The following CD109 variants were observed in gnomAD, a reference collection of about 807,000 sequenced individuals.
The protein encoded by CD109 is CD109 antigen.
Under a neutral mutation model 165.8 loss-of-function variants are expected in CD109, and 149 were observed. The ratio of observed to expected loss-of-function variants is 0.90; its 90% CI spans 0.79 to 1.03. CD109 has a LOEUF of 1.03. Ranked by LOEUF, CD109 falls within the 50% of genes least tolerant of loss-of-function variation. The probability of loss-of-function intolerance (pLI) is 0.00; values close to 1 mark genes in which losing one functional copy is unlikely to be tolerated. For synonymous variants in CD109, 585 were observed against 592.1 expected, an observed-to-expected ratio of 0.99 and a Z score of 0.18; for missense variants, 1,712 against 1,677.8, an observed-to-expected ratio of 1.02 and a Z score of -0.36.
chr6:73,721,554 T>C (rs951170858), intron 2 of CD109, among the ~76,000 whole-genome samples: 15 of 151,574 alleles, frequency 9.9e-5, no homozygotes, highest in African/African-American at 3.6e-4. Flanking sequence ...TTAGTAGAGA[T>C]GGGGTTTCAC....
intron 5 of CD109, among the ~76,000 whole-genome samples, chr6:73,754,393 C>A (rs956998862): frequency 6.6e-6 from 1 of 151,988 alleles, no homozygotes; most frequent in African/African-American, 2.4e-5. Context: ...ACCAAGAGAA[C>A]AAAAGACAAT....
intron 2 of CD109, among the ~76,000 whole-genome samples, chr6:73,701,608 A>G (rs1302412238): frequency 1.3e-5 from 2 of 152,158 alleles, no homozygotes; most frequent in African/African-American, 4.8e-5. Context: ...AATTTTCGTG[A>G]TGTCCTTGAA....
intron 2 of CD109, among the ~76,000 whole-genome samples, chr6:73,707,705 C>T (rs1343525549): frequency 6.6e-6 from 1 of 151,738 alleles, no homozygotes; most frequent in Non-Finnish European, 1.5e-5. Context: ...TTGAGATGTG[C>T]CAGGAGTATA....
intron 3 of CD109, among the ~76,000 whole-genome samples, chr6:73,728,287 G>A (rs1772214316): frequency 6.6e-6 from 1 of 152,108 alleles, no homozygotes; most frequent in Non-Finnish European, 1.5e-5. Context: ...TCCAGCCTGG[G>A]CAACAGAGCA....
intron 32 of CD109, among the ~76,000 whole-genome samples, chr6:73,821,180 G>A (rs1776095736): frequency 6.6e-6 from 1 of 152,116 alleles, no homozygotes; most frequent in South Asian, 2.1e-4. Context: ...AGGAGGGAGG[G>A]ATAGCATTAG....
intron 2 of CD109, among the ~76,000 whole-genome samples, chr6:73,701,239 A>G (rs1233522582): frequency 6.6e-6 from 1 of 151,788 alleles, no homozygotes; most frequent in Admixed American, 6.6e-5. Context: ...CACTGTTACC[A>G]CTGTCACTGC....
intron 17 of CD109, among the ~76,000 whole-genome samples, chr6:73,782,187 G>A (rs1774534093): frequency 6.6e-6 from 1 of 152,008 alleles, no homozygotes; most frequent in East Asian, 1.9e-4. Context: ...CTGATCCTCT[G>A]TCCTGAAACT....
intron 16 of CD109, among the ~76,000 whole-genome samples, chr6:73,780,731 T>C (rs961449360): frequency 8.2e-6 from 1 of 121,972 alleles, no homozygotes; most frequent in Non-Finnish European, 1.7e-5. Flanking sequence ...AAATAATTTT[T>C]CCTTTATGTA....
intron 24 of CD109, among the ~76,000 whole-genome samples, chr6:73,806,383 G>A (rs1384982981): frequency 6.6e-6 from 1 of 151,736 alleles, no homozygotes; most frequent in Non-Finnish European, 1.5e-5. Context: ...GATGGGGGAG[G>A]GATAGCATTA....
intron 14 of CD109, among the ~76,000 whole-genome samples, chr6:73,770,259 G>A (rs1773987509): frequency 6.6e-6 from 1 of 152,170 alleles, no homozygotes; most frequent in African/African-American, 2.4e-5. Flanking sequence ...TCAGAGAGTT[G>A]GAGAAAGAAT....
chr6:73,684,327 C>T, the CD109 span, among the ~76,000 whole-genome samples: 1 of 151,378 alleles, frequency 6.6e-6, no homozygotes, highest in Non-Finnish European at 1.5e-5. Flanking sequence ...TCAGATGATC[C>T]TCCCACTTCA....
At chr6:73,728,517 T>C (rs926897399) in intron 3 of CD109, among the ~76,000 whole-genome samples, 11 of 152,242 alleles carry the variant, frequency 7.2e-5, no homozygotes, top group Non-Finnish European at 1.3e-4. Flanking sequence ...CTATACTTGC[T>C]CTATCATACA....
intron 27 of CD109, among the ~76,000 whole-genome samples, chr6:73,810,521 C>G (rs1162973802): frequency 6.6e-6 from 1 of 151,744 alleles, no homozygotes; most frequent in Non-Finnish European, 1.5e-5. Flanking sequence ...TTCCATATAG[C>G]AAATATTTTC....
the CD109 span, among the ~76,000 whole-genome samples, chr6:73,684,206 C>T: frequency 2.7e-5 from 4 of 147,972 alleles, no homozygotes; most frequent in Admixed American, 6.7e-5. Context: ...TTTCTCTTTT[C>T]TTTTGTCGTT....
At position 73,823,682 on chromosome 6, in the gene CD109, T is replaced by G; in HGVS notation, c.*49T>G. On this transcript the variant is annotated 3_prime_UTR_variant, in exon 33 of 33. Transcript: ENST00000287097. ...AACACTAACATTTCCAGTAGTCACA[T>G]GTGATTGTTTTGTTTTCGTAGAAGA... 2 of 1,496,884 alleles carry G rather than the reference T, an allele frequency of 1.3e-6. No individual in the cohort carries two copies. Among genetic ancestry groups the G allele is most frequent in the Non-Finnish European group, 1.8e-6 (2 of 1,104,114 alleles). 92.7% of individuals were successfully genotyped at this position (1,496,884 alleles called of 1,614,324 possible). A position where few individuals can be genotyped will look rare whatever the true frequency, so the allele number is the denominator to read the frequency against.
At chr6:73,815,992 G>C (rs1775923094) in intron 30 of CD109, among the ~76,000 whole-genome samples, 1 of 152,174 alleles carries the variant, frequency 6.6e-6, no homozygotes, top group South Asian at 2.1e-4. Flanking sequence ...TGTTGGGCTA[G>C]AAGTCCCTGA....
chr6:73,753,859 G>A (rs1458768209), intron 5 of CD109, among the ~76,000 whole-genome samples: 1 of 152,198 alleles, frequency 6.6e-6, no homozygotes, highest in Non-Finnish European at 1.5e-5. Flanking sequence ...GATCTGTTGA[G>A]CACTGTAGGA....
rs1255192553 is a variant in CD109 at position 73,736,452 on chromosome 6, T to C, written c.577T>C (p.Phe193Leu). 1.2e-5 allele frequency: 19 copies of C among 1,613,814 alleles called. No individual in the cohort carries two copies. Among genetic ancestry groups the C allele is most frequent in the Non-Finnish European group, 1.6e-5 (19 of 1,179,868 alleles). The change falls in exon 5 of 33, where the codon TTT becomes CTT. Residue 193 changes from phenylalanine to leucine, a missense_variant. Phe to Leu is a conservative substitution (Grantham distance 22). Transcript: ENST00000287097. ...QSDLGVISKTFQLSSHPILGD... is the reference protein window; with the variant it reads ...QSDLGVISKTLQLSSHPILGD... ...TGATCTTGGAGTCATTTCCAAAACT[T>C]TTCAGCTATCTTCCCATCCAATACT...
intron 5 of CD109, among the ~76,000 whole-genome samples, chr6:73,737,224 CT>C (rs2150188193): frequency 6.6e-6 from 1 of 152,202 alleles, no homozygotes; most frequent in Non-Finnish European, 1.5e-5. Context: ...ATATAATCAA[CT>C]TTTTCTGTAT....
Sources: gnomAD v4.1 joint callset for allele counts (sites outside exome capture counted in the v4.1 genomes callset) on GRCh38, gnomAD v4.1.1 for gene constraint, MANE v1.5 for transcripts, NCBI Gene and HGNC (gene_info 2026-07-23, HGNC 2026-07-21) for gene names.